MALRD1: variants seen among roughly 807,000 people sequenced by gnomAD.
MALRD1 encodes MAM and LDL-receptor class A domain-containing protein 1.
In MALRD1, 247 loss-of-function variants were observed where a neutral mutation model predicts 242.1. The observed-to-expected ratio is 1.02, with a 90% CI of 0.92 to 1.13. The LOEUF is 1.13. MALRD1 is among the 50% of genes most tolerant of loss of function. The pLI is 0.00. For synonymous variants in MALRD1, 995 were observed against 866.6 expected (o/e 1.15, Z -2.60); for missense variants, 2,989 against 2,533.1 (o/e 1.18, Z -3.86).
rs553018943 is a variant in MALRD1 at position 19,468,601 on chromosome 10, C to T, written c.5029+18111C>T. Among the ~76,000 whole-genome samples the T allele has an allele frequency of 1.4e-4, 21 of 151,576 alleles. No individual in the cohort carries two copies. The South Asian group carries it at 4.0e-3, about 29-fold the overall frequency. On this transcript the variant is annotated intron_variant, in intron 29 of 39. Transcript: ENST00000454679. ...TGAAATAAAGTTGAGTAGAATAGAGCTTTCTTTGGCAACGAGATAAAATTT... is the reference window on the plus strand; with the variant it reads ...TGAAATAAAGTTGAGTAGAATAGAGTTTTCTTTGGCAACGAGATAAAATTT...
intron 29 of MALRD1, among the ~76,000 whole-genome samples, chr10:19,452,838 G>T (rs549979329): frequency 2.8e-4 from 43 of 152,280 alleles, no homozygotes; most frequent in African/African-American, 9.4e-4. Context: ...TATCATAGTG[G>T]TTAAGAACAA....
At chr10:19,514,446 A>G (rs570302401) in intron 31 of MALRD1, among the ~76,000 whole-genome samples, 61 of 152,274 alleles carry the variant, frequency 4.0e-4, no homozygotes, top group African/African-American at 1.3e-3. Context: ...TTCTTTTGAG[A>G]TATTTCTATG....
At chr10:19,363,065 A>G (rs2130712709) in intron 26 of MALRD1, among the ~76,000 whole-genome samples, 1 of 152,186 alleles carries the variant, frequency 6.6e-6, no homozygotes, top group African/African-American at 2.4e-5. Context: ...CTCAGTTTAA[A>G]TGTCCATCGT....
intron 2 of MALRD1, among the ~76,000 whole-genome samples, chr10:19,069,639 GA>G (rs1214333095): frequency 6.6e-6 from 1 of 151,228 alleles, no homozygotes; most frequent in Non-Finnish European, 1.5e-5. Flanking sequence ...CTTCATTCTT[GA>G]AATGTTTTCC....
At chr10:19,149,074 G>GTTCATCTA (rs1554798049) in intron 11 of MALRD1, among the ~76,000 whole-genome samples, 3 of 108,412 alleles carry the variant, frequency 2.8e-5, no homozygotes, top group East Asian at 5.9e-4. Flanking sequence ...CTGTCTATCT[G>GTTCATCTA]TCCATCTATC....
At chr10:19,281,696 G>C (rs1840819273) in intron 20 of MALRD1, among the ~76,000 whole-genome samples, 1 of 152,066 alleles carries the variant, frequency 6.6e-6, no homozygotes, top group South Asian at 2.1e-4. Context: ...ACATGGCCAG[G>C]TGCAGTGGCT....
In MALRD1 at chr10:19,522,696, AATT is replaced by A. The variant is rs1833935215; in HGVS notation, c.5321-8489_5321-8487del. Reference sequence around the variant, plus strand: ...CTCCCAATAATCCAAATGAGCTGTAAATTATTATTATCCCCATTTGATAGATGA... The same window carrying A: ...CTCCCAATAATCCAAATGAGCTGTAAATTATTATCCCCATTTGATAGATGA... On this transcript the variant is annotated intron_variant, in intron 31 of 39. Transcript: ENST00000454679. Among the ~76,000 whole-genome samples, 7 of 152,302 alleles carry A rather than the reference AATT, an allele frequency of 4.6e-5. No homozygotes were observed. In the South Asian group the frequency reaches 1.4e-3, roughly 32 times the overall value.
intron 14 of MALRD1, among the ~76,000 whole-genome samples, chr10:19,195,404 A>C (rs1836192315): frequency 6.6e-6 from 1 of 152,100 alleles, no homozygotes; most frequent in African/African-American, 2.4e-5. Context: ...TCACTACTGT[A>C]GAAAACTCAT....
At chr10:19,448,439 AT>A (rs58681191) in intron 28 of MALRD1, among the ~76,000 whole-genome samples, 22,385 of 152,024 alleles carry the variant, frequency 0.15, 1,935 homozygotes, top group African/African-American at 0.25. Flanking sequence ...ATATATGTAT[AT>A]TTTTTTCTTT....
chr10:19,730,749 T>A lies in MALRD1; in HGVS notation c.6358T>A (p.Tyr2120Asn). ...SGNCAFVNPVYGNWSNPEKTE... is the reference protein window; with the variant it reads ...SGNCAFVNPVNGNWSNPEKTE... The stretch of plus-strand genomic sequence containing the variant: ...TAACTGTGCCTTTGTCAATCCAGTT[T>A]ACGGGAACTGGAGCAACCCAGAGAA... Residue 2120 changes from tyrosine (Y) to asparagine (N), a missense_variant, in exon 39 of 40, where the codon TAC (tyrosine) becomes AAC (asparagine). Physicochemically the swap from Tyr to Asn is moderately radical, Grantham distance 143. Transcript: ENST00000454679. The A allele has an allele frequency of 6.5e-7, 1 of 1,536,736 alleles. No individual in the cohort carries two copies. Among genetic ancestry groups the A allele is most frequent in the South Asian group, 1.2e-5 (1 of 84,058 alleles).
intron 38 of MALRD1, among the ~76,000 whole-genome samples, chr10:19,693,556 C>G (rs560656672): frequency 6.6e-6 from 1 of 152,134 alleles, no homozygotes; most frequent in African/African-American, 2.4e-5. Context: ...CTACAAACCA[C>G]TGCTCAAGGA....
intron 18 of MALRD1, among the ~76,000 whole-genome samples, chr10:19,255,304 C>T (rs1480077842): frequency 6.6e-6 from 1 of 151,946 alleles, no homozygotes; most frequent in Non-Finnish European, 1.5e-5. Flanking sequence ...GGAATCAATA[C>T]TGTCTTATAT....
intron 36 of MALRD1, among the ~76,000 whole-genome samples, chr10:19,689,036 G>T (rs1842713921): frequency 6.6e-6 from 1 of 152,136 alleles, no homozygotes; most frequent in African/African-American, 2.4e-5. Context: ...CAAAAAGTTT[G>T]CACTAAAAAT....
intron 33 of MALRD1, among the ~76,000 whole-genome samples, chr10:19,587,449 A>G (rs1837495602): frequency 6.6e-6 from 1 of 152,220 alleles, no homozygotes; most frequent in African/African-American, 2.4e-5. Flanking sequence ...TTCAAAACAG[A>G]CAATTTTCCT....
intron 1 of MALRD1, among the ~76,000 whole-genome samples, chr10:19,063,102 C>T (rs535546826): frequency 3.9e-4 from 59 of 151,998 alleles, no homozygotes; most frequent in Middle Eastern, 3.4e-3. Context: ...GCCATGATTG[C>T]ACCATCACAC....
intron 14 of MALRD1, among the ~76,000 whole-genome samples, chr10:19,194,412 C>T (rs138500240): frequency 0.015 from 2,352 of 152,202 alleles, 210 homozygotes; most frequent in Admixed American, 0.14. Flanking sequence ...AACAACAAAA[C>T]GTTCTCTTCT....
intron 24 of MALRD1, among the ~76,000 whole-genome samples, chr10:19,337,681 C>T (rs1843671075): frequency 6.6e-6 from 1 of 152,020 alleles, no homozygotes; most frequent in South Asian, 2.1e-4. Context: ...AAATATTTAT[C>T]ATCATTTTGT....
At chr10:19,270,914 A>C (rs1461539722) in intron 19 of MALRD1, among the ~76,000 whole-genome samples, 1 of 152,074 alleles carries the variant, frequency 6.6e-6, no homozygotes, top group Non-Finnish European at 1.5e-5. Context: ...TGTAAATGTG[A>C]ATCTCAGAAA....
intron 27 of MALRD1, among the ~76,000 whole-genome samples, chr10:19,388,847 A>G (rs955875024): frequency 6.7e-6 from 1 of 148,770 alleles, no homozygotes; most frequent in Non-Finnish European, 1.5e-5. Flanking sequence ...TCATAGGCAA[A>G]GAAGTCTAAA....
Sources: gnomAD v4.1 joint callset for allele counts (sites outside exome capture counted in the v4.1 genomes callset) on GRCh38, gnomAD v4.1.1 for gene constraint, MANE v1.5 for transcripts, NCBI Gene and HGNC (gene_info 2026-07-23, HGNC 2026-07-21) for gene names.